Variants in NPEPPS observed in about 807,000 individuals in gnomAD.
NPEPPS encodes the protein aminopeptidase puromycin sensitive.
A neutral mutation model predicts 115.5 loss-of-function variants in NPEPPS; 14 were observed. The observed-to-expected ratio is 0.12, with a 90% CI of 0.08 to 0.19. The LOEUF is 0.19. NPEPPS is among the 10% of genes least tolerant of loss of function. The pLI is 1.00. For missense variants in NPEPPS, 523 were observed against 1,110.8 expected, an observed-to-expected ratio of 0.47 and a Z score of 7.52; for synonymous variants, 285 against 390.6, an observed-to-expected ratio of 0.73 and a Z score of 3.19.
chr17:47,537,179 A>C (rs1480854852), intron 1 of NPEPPS, among the ~76,000 whole-genome samples: 1 of 152,040 alleles, frequency 6.6e-6, no homozygotes, highest in Non-Finnish European at 1.5e-5. Context: ...AAAAGGAAGA[A>C]ATTTTCTTAA....
intron 1 of NPEPPS, among the ~76,000 whole-genome samples, chr17:47,536,216 C>T (rs994083884): frequency 6.6e-6 from 1 of 151,996 alleles, no homozygotes; most frequent in African/African-American, 2.4e-5. Context: ...GATATCCTAG[C>T]CAACCCCTGG....
At chr17:47,531,918 G>C (rs1161842438) in intron 1 of NPEPPS, among the ~76,000 whole-genome samples, 1 of 152,210 alleles carries the variant, frequency 6.6e-6, no homozygotes, top group Admixed American at 6.5e-5. Context: ...GGGGAGGCTG[G>C]AGGGTGTTGG....
intron 2 of NPEPPS, among the ~76,000 whole-genome samples, chr17:47,566,664 C>T (rs972754166): frequency 2.0e-5 from 3 of 151,568 alleles, no homozygotes; most frequent in Non-Finnish European, 4.4e-5. Context: ...CACGCATGAT[C>T]CACCCACCTC....
intron 19 of NPEPPS, among the ~76,000 whole-genome samples, chr17:47,614,993 AT>A (rs1298768546): frequency 6.6e-6 from 1 of 151,780 alleles, no homozygotes; most frequent in Non-Finnish European, 1.5e-5. Flanking sequence ...AATGATTAGG[AT>A]GTCTGAAAAT....
chr17:47,595,535 A>G (rs1912809268), intron 12 of NPEPPS, among the ~76,000 whole-genome samples: 1 of 152,196 alleles, frequency 6.6e-6, no homozygotes, highest in Admixed American at 6.5e-5. Context: ...ATGATTAAGT[A>G]TATCTCAGAA....
intron 17 of NPEPPS, among the ~76,000 whole-genome samples, chr17:47,611,362 A>G (rs551641732): frequency 3.3e-5 from 5 of 150,040 alleles, no homozygotes; most frequent in African/African-American, 1.2e-4. Context: ...CAGAAGACTG[A>G]GGTAGAGAAT....
rs549910120 is a variant in NPEPPS at position 47,615,013 on chromosome 17, T to C, written c.2295+1288T>C. ...TTAGGATGTCTGAAAATAAAAACTT[T>C]AAGAAACTGTACCTCAAAATGTACT... On this transcript the variant is annotated intron_variant, in intron 19 of 22. Coordinates refer to ENST00000322157, the MANE Select transcript of NPEPPS (RefSeq NM_006310.4). 5.9e-5 allele frequency among the ~76,000 whole-genome samples: 9 copies of C among 152,176 alleles called. No individual in the cohort carries two copies. In the East Asian group the frequency reaches 1.7e-3, roughly 29 times the overall value.
intron 2 of NPEPPS, among the ~76,000 whole-genome samples, chr17:47,567,372 T>A (rs2143795515): frequency 6.6e-6 from 1 of 152,278 alleles, no homozygotes; most frequent in East Asian, 1.9e-4. Context: ...AATCCTATAT[T>A]TGGGTGATTC....
intron 19 of NPEPPS, among the ~76,000 whole-genome samples, chr17:47,615,692 T>G (rs897007296): frequency 3.9e-5 from 6 of 152,208 alleles, no homozygotes; most frequent in African/African-American, 1.4e-4. Context: ...TTTTTTTCCA[T>G]CTATTCCATG....
chr17:47,623,092 TTTTTC>T lies in NPEPPS; in HGVS notation c.*1177_*1181del. 3 of 255,470 alleles carry T rather than the reference TTTTTC, an allele frequency of 1.2e-5. No individual in the cohort carries two copies. Among genetic ancestry groups the T allele is most frequent in the Non-Finnish European group, 1.5e-5 (2 of 130,242 alleles). 15.8% of individuals were successfully genotyped at this position (255,470 alleles called of 1,614,324 possible). ...ATTCCCTTCTTCTTTCCCTACCTTT[TTTTTC>T]TTTTTTTCTTAAAAAAATATTTTGT... On this transcript the variant is annotated 3_prime_UTR_variant, in exon 23 of 23. Transcript: ENST00000322157.
At chr17:47,610,845 CTTTTTTTTTTTTT>C (rs59893483) in intron 17 of NPEPPS, among the ~76,000 whole-genome samples, 21 of 100,112 alleles carry the variant, frequency 2.1e-4, no homozygotes, top group Non-Finnish European at 2.9e-4. Context: ...TATGATGACT[CTTTTTTTTTTTTT>C]TTTTTTTTTT....
intron 1 of NPEPPS, among the ~76,000 whole-genome samples, chr17:47,543,907 A>G (rs567091108): frequency 2.4e-4 from 33 of 140,324 alleles, no homozygotes; most frequent in Admixed American, 5.2e-4. Context: ...TTATTTATTT[A>G]TTTTTGAGAC....
intron 12 of NPEPPS, among the ~76,000 whole-genome samples, chr17:47,594,591 TTTATG>T (rs71141919): frequency 0.044 from 6,127 of 138,216 alleles, 228 homozygotes; most frequent in Admixed American, 0.099. Flanking sequence ...TGTATTTTAT[TTTATG>T]TTATGTTATG....
intron 2 of NPEPPS, among the ~76,000 whole-genome samples, chr17:47,552,535 A>G (rs1909723866): frequency 6.6e-6 from 1 of 152,208 alleles, no homozygotes; most frequent in Non-Finnish European, 1.5e-5. Flanking sequence ...CTGTCTGATA[A>G]AGAACCTGTG....
upstream of NPEPPS, among the ~76,000 whole-genome samples, chr17:47,528,933 G>A (rs1397348814): frequency 6.6e-6 from 1 of 151,900 alleles, no homozygotes; most frequent in East Asian, 1.9e-4. Context: ...ACCGTGCCCG[G>A]CCTCATTAAT....
rs527440780 is a variant in NPEPPS at position 47,534,832 on chromosome 17, G to A, written c.255+3277G>A. On this transcript the variant is annotated intron_variant, in intron 1 of 22. Coordinates refer to ENST00000322157, the MANE Select transcript of NPEPPS (RefSeq NM_006310.4). ...GATCCCCTTCCCTTGGCCTCCCAAA[G>A]GGCTGGGATTATAGGCATGAGCCAC... Among the ~76,000 whole-genome samples the A allele has an allele frequency of 2.5e-3, 380 of 151,910 alleles. 2 individuals carry two copies. Among genetic ancestry groups the A allele is most frequent in the South Asian group, 5.2e-3 (25 of 4,798 alleles).
intron 15 of NPEPPS, 124 bp from the exon 16 acceptor site, chr17:47,603,791 A>G: frequency 1.3e-6 from 1 of 787,830 alleles, no homozygotes; most frequent in Non-Finnish European, 2.0e-6. Flanking sequence ...ATTAGTTGGC[A>G]TAGATGGTCT....
chr17:47,582,170 A>C (rs1250753344), intron 4 of NPEPPS: 2 of 152,794 alleles, frequency 1.3e-5, no homozygotes, highest in East Asian at 3.8e-4. Context: ...TGAAAGAGTA[A>C]GGACTCAAGT....
intron 1 of NPEPPS, among the ~76,000 whole-genome samples, chr17:47,536,782 G>C (rs1407654151): frequency 6.9e-6 from 1 of 144,966 alleles, no homozygotes; most frequent in Non-Finnish European, 1.5e-5. Context: ...CGCGATCTCG[G>C]CTCACCGCAA....
Sources: allele counts gnomAD v4.1 joint callset (sites outside exome capture counted in the v4.1 genomes callset), GRCh38; gene constraint gnomAD v4.1.1; transcripts MANE v1.5; gene names NCBI Gene and HGNC (gene_info 2026-07-23, HGNC 2026-07-21).